Variants in KIF1B observed in about 807,000 individuals in gnomAD.
The protein encoded by KIF1B is kinesin family member 1B.
Under a neutral mutation model 241.9 loss-of-function variants are expected in KIF1B, and 76 were observed. The observed-to-expected ratio is 0.31, with a 90% CI of 0.26 to 0.38. The LOEUF is 0.38. Among genes scored for constraint, KIF1B ranks in the 10% least tolerant of loss-of-function variants. The pLI is 1.00. For synonymous variants in KIF1B, 750 were observed against 796.7 expected, an observed-to-expected ratio of 0.94 and a Z score of 0.99; for missense variants, 1,622 against 2,271.4, an observed-to-expected ratio of 0.71 and a Z score of 5.81.
chr1:10,339,921 C>G (rs1049623201), intron 32 of KIF1B, 62 bp downstream of exon 32: 6 of 1,356,004 alleles, frequency 4.4e-6, no homozygotes, highest in Non-Finnish European at 6.3e-6. Flanking sequence ...TTTCTCAGCC[C>G]GGGAAGGGTG....
At chr1:10,331,918 A>T (rs1309998170) in intron 27 of KIF1B, among the ~76,000 whole-genome samples, 1 of 152,242 alleles carries the variant, frequency 6.6e-6, no homozygotes, top group Non-Finnish European at 1.5e-5. Context: ...CAAATGTGAT[A>T]GGACTTTGCT....
At position 10,236,041 on chromosome 1, in the gene KIF1B, C is replaced by T. The variant is rs113462048; in HGVS notation, c.106+3607C>T. Among the ~76,000 whole-genome samples the T allele has an allele frequency of 1.3e-3, 198 of 151,934 alleles. 1 individual carries two copies. Among genetic ancestry groups the T allele is most frequent in the African/African-American group, 4.5e-3 (186 of 41,434 alleles). On this transcript the variant is annotated intron_variant, in intron 2 of 48. Transcript: ENST00000676179. The stretch of plus-strand genomic sequence containing the variant: ...TAATCCCAGCACTTTGGGAGGCTGA[C>T]GCGGATGGATCACGAGGTCAGAAGT...
intron 7 of KIF1B, among the ~76,000 whole-genome samples, chr1:10,269,041 A>G (rs564960205): frequency 2.6e-5 from 4 of 152,330 alleles, no homozygotes; most frequent in Non-Finnish European, 4.4e-5. Context: ...ATACTACTCT[A>G]TCTGCATCCC....
chr1:10,325,680 T>C (rs1039657901), intron 26 of KIF1B, among the ~76,000 whole-genome samples: 2 of 152,242 alleles, frequency 1.3e-5, no homozygotes, highest in East Asian at 3.8e-4. Context: ...CACATGCTGC[T>C]TTGCCATATG....
At chr1:10,321,088 A>G (rs1028984735) in intron 23 of KIF1B, among the ~76,000 whole-genome samples, 2 of 151,638 alleles carry the variant, frequency 1.3e-5, no homozygotes, top group Non-Finnish European at 2.9e-5. Flanking sequence ...CATACAATGT[A>G]ACAGAGGTCA....
Position 10,379,478 on chromosome 1 carries a change from G to A in KIF1B, c.*2891G>A, listed in dbSNP as rs1355912655. 2.6e-5 allele frequency: 6 copies of A among 231,904 alleles called. No homozygotes were observed. The East Asian group carries it at 3.6e-4, about 14-fold the overall frequency. The allele number at this position is 231,904 out of a possible 1,614,324, so 14.4% of individuals were successfully genotyped here. On this transcript the variant is annotated 3_prime_UTR_variant, in exon 49 of 49. Transcript: ENST00000676179. ...GCACGTCCAGGGTGGGTGCTCCCTT[G>A]CCCGACAGAACCATCCCCACTGTGA...
At chr1:10,275,782 C>T (rs545301952) in intron 11 of KIF1B, among the ~76,000 whole-genome samples, 14 of 152,298 alleles carry the variant, frequency 9.2e-5, no homozygotes, top group African/African-American at 3.1e-4. Flanking sequence ...ATTGCTCTTT[C>T]TTCGAAGTTA....
intron 22 of KIF1B, chr1:10,306,590 A>T: frequency 4.3e-6 from 2 of 470,124 alleles, no homozygotes; most frequent in Non-Finnish European, 5.9e-6. Context: ...TGGCATCAAT[A>T]TGGTGATGTC....
chr1:10,282,541 A>G lies in KIF1B; in HGVS notation c.1434+8A>G, dbSNP rs1649462188. The G allele has an allele frequency of 6.2e-7, 1 of 1,607,826 alleles. No homozygotes were observed. The highest frequency in any genetic ancestry group is 8.5e-7 in the Non-Finnish European group (1 of 1,174,242). ...GCTATTGAACGTTTAAAGGTAAGTA[A>G]TAGTTCAGACTGAATACAAGGTATT... is the stretch of plus-strand genomic sequence containing the variant. On this transcript the variant is annotated splice_region_variant and intron_variant, in intron 15 of 48. Coordinates refer to ENST00000676179, the MANE Select transcript of KIF1B (RefSeq NM_001365951.3).
intron 2 of KIF1B, among the ~76,000 whole-genome samples, chr1:10,245,536 A>G (rs1448754966): frequency 6.6e-6 from 1 of 152,250 alleles, no homozygotes; most frequent in African/African-American, 2.4e-5. Context: ...ACAAAAGGGA[A>G]AAGATACAAA....
chr1:10,229,891 A>AAAAAAAG (rs1646958342), intron 1 of KIF1B, among the ~76,000 whole-genome samples: 1 of 149,856 alleles, frequency 6.7e-6, no homozygotes, highest in African/African-American at 2.4e-5. Flanking sequence ...AAAAAAAAAA[A>AAAAAAAG]AAAAGAAAAG....
chr1:10,354,020 G>A (rs188639709), intron 38 of KIF1B, among the ~76,000 whole-genome samples: 2 of 152,298 alleles, frequency 1.3e-5, no homozygotes, highest in East Asian at 3.9e-4. Context: ...TACAGGGAAA[G>A]ATGGGCTTTG....
intron 8 of KIF1B, 123 bp from the exon 9 acceptor site, chr1:10,272,118 G>C: frequency 1.4e-6 from 1 of 735,268 alleles, no homozygotes; most frequent in South Asian, 1.5e-5. Context: ...AGGACTAAAG[G>C]TTGTTTTTAG....
intron 22 of KIF1B, among the ~76,000 whole-genome samples, chr1:10,319,134 G>T: frequency 7.1e-6 from 1 of 140,328 alleles, no homozygotes; most frequent in Non-Finnish European, 1.5e-5. Context: ...ACAGAGTCTC[G>T]CTCTGTCTCC....
At chr1:10,247,053 C>T (rs919508833) in intron 2 of KIF1B, among the ~76,000 whole-genome samples, 4 of 152,120 alleles carry the variant, frequency 2.6e-5, no homozygotes, top group African/African-American at 9.7e-5. Context: ...TTAGTAGAGA[C>T]AGGGTTTTGC....
chr1:10,351,189 G>A (rs1015440299), intron 37 of KIF1B, among the ~76,000 whole-genome samples: 1 of 147,106 alleles, frequency 6.8e-6, no homozygotes, highest in Middle Eastern at 3.2e-3. Flanking sequence ...TTTTAATTTA[G>A]TTTTTTTTTT....
At chr1:10,306,995 G>A in intron 22 of KIF1B, 1 of 1,041,772 alleles carries the variant, frequency 9.6e-7, no homozygotes. Flanking sequence ...GTGGATTGTG[G>A]TAAGGACTAT....
chr1:10,281,493 T>A (rs1649403529), intron 14 of KIF1B, among the ~76,000 whole-genome samples: 1 of 152,178 alleles, frequency 6.6e-6, no homozygotes, highest in Non-Finnish European at 1.5e-5. Flanking sequence ...AAACTTGCAT[T>A]TTATACTAGG....
intron 15 of KIF1B, among the ~76,000 whole-genome samples, chr1:10,289,602 G>C (rs1649884899): frequency 6.6e-6 from 1 of 152,160 alleles, no homozygotes; most frequent in South Asian, 2.1e-4. Context: ...ATTATATCAT[G>C]GCGGGGCACG....
Sources: gnomAD v4.1 joint callset for allele counts (sites outside exome capture counted in the v4.1 genomes callset) on GRCh38, gnomAD v4.1.1 for gene constraint, MANE v1.5 for transcripts, NCBI Gene and HGNC (gene_info 2026-07-23, HGNC 2026-07-21) for gene names.